Variants in TCF25 observed in about 807,000 individuals in gnomAD.
TCF25 encodes TCF25 ribosome quality control complex subunit, also known as ribosome quality control complex subunit TCF25.
TCF25 carries 41 observed loss-of-function variants against 83.1 expected under a neutral mutation model. The observed-to-expected ratio is 0.49, with a 90% CI of 0.38 to 0.64. The LOEUF (loss-of-function observed/expected upper bound fraction) is 0.64. Ranked by LOEUF, TCF25 falls within the 30% of genes least tolerant of loss-of-function variation. The pLI, the probability that TCF25 is intolerant of heterozygous loss-of-function variation, is 0.00. For missense variants in TCF25, 979 were observed against 914.5 expected, an observed-to-expected ratio of 1.07 and a Z score of -0.91; for synonymous variants, 458 against 365.0, an observed-to-expected ratio of 1.25 and a Z score of -2.90.
intron 5 of TCF25, among the ~76,000 whole-genome samples, chr16:89,891,557 CTG>C (rs956638848): frequency 1.8e-4 from 28 of 152,318 alleles, no homozygotes; most frequent in Admixed American, 1.2e-3. Flanking sequence ...GCCCTGACCT[CTG>C]TTATTTGGGG....
intron 9 of TCF25, among the ~76,000 whole-genome samples, 184 bp downstream of exon 9, chr16:89,896,267 G>A (rs1259935862): frequency 6.6e-6 from 1 of 152,198 alleles, no homozygotes; most frequent in Non-Finnish European, 1.5e-5. Flanking sequence ...CTCAGCCCAG[G>A]TTTACCTTTG....
intron 16 of TCF25, among the ~76,000 whole-genome samples, chr16:89,907,759 G>A (rs553745143): frequency 5.5e-3 from 29 of 5,270 alleles, no homozygotes; most frequent in Admixed American, 0.011. Flanking sequence ...TCCAGCTCCC[G>A]CCTCCCTCCT....
chr16:89,911,014 C>T (rs1254833126), intron 17 of TCF25, 66 bp from the exon 18 acceptor site: 3 of 1,591,998 alleles, frequency 1.9e-6, no homozygotes, highest in Non-Finnish European at 2.6e-6. Flanking sequence ...GTGCCTCCTG[C>T]TTGGGCCCCG....
chr16:89,881,874 C>A (rs558778822), intron 1 of TCF25, among the ~76,000 whole-genome samples: 2 of 152,200 alleles, frequency 1.3e-5, no homozygotes, highest in East Asian at 3.8e-4. Flanking sequence ...CCTGCCTCGG[C>A]CTCCCGAGTA....
At chr16:89,899,739 A>AT in intron 11 of TCF25, among the ~76,000 whole-genome samples, 1 of 152,220 alleles carries the variant, frequency 6.6e-6, no homozygotes, top group East Asian at 1.9e-4. Context: ...AAAAAAAAAA[A>AT]AAGAAAATTT....
At chr16:89,894,971 A>G (rs1436822588) in intron 7 of TCF25, 67 bp from the exon 8 acceptor site, 7 of 1,450,594 alleles carry the variant, frequency 4.8e-6, no homozygotes, top group Non-Finnish European at 5.7e-6. Context: ...GTCTGAAAAA[A>G]AGGCATGCCT....
intron 1 of TCF25, chr16:89,878,433 CATTT>C: frequency 4.6e-6 from 4 of 861,982 alleles, no homozygotes; most frequent in Non-Finnish European, 4.7e-6. Context: ...TAAAAATCAC[CATTT>C]TTTTTTTTTT....
intron 3 of TCF25, 117 bp from the exon 4 acceptor site, chr16:89,885,731 C>G: frequency 1.2e-6 from 1 of 844,362 alleles, no homozygotes; most frequent in Non-Finnish European, 1.9e-6. Flanking sequence ...CTTATGCTGT[C>G]CTTTAGGAAG....
chr16:89,908,731 GC>G (rs2045276462), intron 16 of TCF25, among the ~76,000 whole-genome samples: 3 of 11,548 alleles, frequency 2.6e-4, no homozygotes, highest in African/African-American at 1.0e-3. Context: ...CCGCCTCCCA[GC>G]TCCCAGCTCC....
intron 1 of TCF25, 28 bp downstream of exon 1, chr16:89,873,887 G>T (rs756538255): frequency 1.1e-5 from 17 of 1,498,652 alleles, no homozygotes; most frequent in Middle Eastern, 3.8e-4. Flanking sequence ...CCGGGTGGGG[G>T]TGGGGTGGCC....
chr16:89,893,103 A>G (rs1327080889), intron 6 of TCF25, among the ~76,000 whole-genome samples: 1 of 152,160 alleles, frequency 6.6e-6, no homozygotes, highest in Middle Eastern at 3.2e-3. Context: ...ATGGCCATGT[A>G]TTCCTGCAGG....
At chr16:89,898,407 G>T in intron 9 of TCF25, 150 bp from the exon 10 acceptor site, 3 of 729,974 alleles carry the variant, frequency 4.1e-6, no homozygotes, top group Non-Finnish European at 7.2e-6. Flanking sequence ...GGTGTTGACT[G>T]GGGCGCTGAG....
chr16:89,885,402 C>A (rs1255332258), intron 3 of TCF25, among the ~76,000 whole-genome samples: 1 of 152,172 alleles, frequency 6.6e-6, no homozygotes, highest in African/African-American at 2.4e-5. Flanking sequence ...TGACATCTGT[C>A]CCATGCTTAT....
Position 89,898,650 on chromosome 16 carries a change from G to A in TCF25, c.1115+1G>A. ...TGGAGTACTGCAAGCTCATCCTGAG[G>A]TGAGTGTCTGCTCAGGGCCAAGCCC... On this transcript the variant is annotated splice_donor_variant, in intron 10 of 17. Coordinates refer to ENST00000263346, the MANE Select transcript of TCF25 (RefSeq NM_014972.3). LOFTEE classifies it high-confidence loss of function. 6.2e-7 allele frequency: 1 copy of A among 1,612,706 alleles called. No homozygotes were observed. Among genetic ancestry groups the A allele is most frequent in the Non-Finnish European group, 8.5e-7 (1 of 1,179,990 alleles).
intron 14 of TCF25, 58 bp from the exon 15 acceptor site, chr16:89,906,136 G>T (rs1364344139): frequency 2.7e-6 from 4 of 1,484,838 alleles, no homozygotes; most frequent in African/African-American, 1.4e-5. Flanking sequence ...GCTCCATGGC[G>T]GTTACCATTT....
intron 8 of TCF25, among the ~76,000 whole-genome samples, chr16:89,895,352 G>A (rs1376653990): frequency 2.0e-5 from 3 of 152,060 alleles, no homozygotes; most frequent in East Asian, 3.9e-4. Context: ...GACTACAGGC[G>A]CCCGCCACCA....
chr16:89,900,572 C>G, intron 11 of TCF25, 63 bp from the exon 12 acceptor site: 1 of 1,501,240 alleles, frequency 6.7e-7, no homozygotes, highest in East Asian at 2.3e-5. Context: ...AGAGCGTCTG[C>G]AAACTCACAT....
chr16:89,903,143 G>A (rs1012798830), intron 12 of TCF25, among the ~76,000 whole-genome samples: 3 of 152,282 alleles, frequency 2.0e-5, no homozygotes, highest in Non-Finnish European at 4.4e-5. Context: ...TTGTGGCAGA[G>A]CTGTGCTGCT....
Position 89,873,881 on chromosome 16 carries a change from GT to G in TCF25, c.192+23del. On this transcript the variant is annotated intron_variant, in intron 1 of 17. Coordinates refer to ENST00000263346, the MANE Select transcript of TCF25 (RefSeq NM_014972.3). ...GCTGGTGAGGAGCGCGGCGGCCCGGGTGGGGGTGGGGTGGCCCTTGACGTTG... is the reference window on the plus strand; with the variant it reads ...GCTGGTGAGGAGCGCGGCGGCCCGGGGGGGGTGGGGTGGCCCTTGACGTTG... 9 of 1,507,048 alleles carry G rather than the reference GT, an allele frequency of 6.0e-6. No homozygotes were observed. In the Admixed American group the frequency reaches 1.1e-4, roughly 18 times the overall value. 93.4% of individuals were successfully genotyped at this position (1,507,048 alleles called of 1,614,324 possible).
Sources: gnomAD v4.1 joint callset for allele counts (sites outside exome capture counted in the v4.1 genomes callset) on GRCh38, gnomAD v4.1.1 for gene constraint, MANE v1.5 for transcripts, NCBI Gene and HGNC (gene_info 2026-07-23, HGNC 2026-07-21) for gene names.